JAKMIP2: variants seen among roughly 807,000 people sequenced by gnomAD.
JAKMIP2 encodes janus kinase and microtubule-interacting protein 2.
Under a neutral mutation model 115.0 loss-of-function variants are expected in JAKMIP2, and 25 were observed. The ratio of observed to expected loss-of-function variants is 0.22; its 90% CI spans 0.16 to 0.30. The LOEUF (loss-of-function observed/expected upper bound fraction) is 0.30. JAKMIP2 is among the 10% of genes least tolerant of loss of function. JAKMIP2 has a pLI of 1.00. For missense variants in JAKMIP2, 642 were observed against 957.6 expected, an observed-to-expected ratio of 0.67 and a Z score of 4.35; for synonymous variants, 334 against 343.6, an observed-to-expected ratio of 0.97 and a Z score of 0.31.
rs1010232140 is a variant in JAKMIP2 at position 147,588,120 on chromosome 5, T to A, written c.*3587A>T. ...AAAAGTTTGACATTCAATTTAGTAA[T>A]AGATGCTTTTTAAGTATGATAGTCA... On this transcript the variant is annotated 3_prime_UTR_variant, in exon 22 of 22. Transcript: ENST00000616793. The A allele has an allele frequency of 1.3e-5, 2 of 152,156 alleles. No homozygotes were observed. The highest frequency in any genetic ancestry group is 4.8e-5 in the African/African-American group (2 of 41,442). The allele number at this position is 152,156 out of a possible 1,614,324, so 9.4% of individuals were successfully genotyped here.
At chr5:147,764,945 AGGGAGAGAGAGAGAGAGAGAGGGG>A (rs1561582554) in intron 1 of JAKMIP2, among the ~76,000 whole-genome samples, 8 of 89,116 alleles carry the variant, frequency 9.0e-5, no homozygotes, top group African/African-American at 4.2e-4. Flanking sequence ...AGAGAGAGAG[AGGGAGAGAGAGAGAGAGAGAGGGG>A]GAGAGAGAGA....
At chr5:147,719,815 G>C in intron 1 of JAKMIP2, among the ~76,000 whole-genome samples, 1 of 151,884 alleles carries the variant, frequency 6.6e-6, no homozygotes, top group African/African-American at 2.4e-5. Context: ...TTGCCAGTCT[G>C]TGTCTTTTAA....
In JAKMIP2 at chr5:147,644,909, C is replaced by T. The variant is rs1758054489; in HGVS notation, c.1024G>A (p.Val342Met). 2 of 1,613,340 alleles carry T rather than the reference C, an allele frequency of 1.2e-6. No individual in the cohort carries two copies. Among genetic ancestry groups the T allele is most frequent in the African/African-American group, 2.7e-5 (2 of 74,860 alleles). Reference sequence around the variant, plus strand: ...TTTTCTTCCATGCGCTGCAAGGACACCATCAGTTCATCGTTTCTCTTGGCG... The same window carrying T: ...TTTTCTTCCATGCGCTGCAAGGACATCATCAGTTCATCGTTTCTCTTGGCG... The part of the protein sequence containing the change: ...CLAKRNDELM[V>M]SLQRMEEKLK... The change falls in exon 6 of 22, where the codon GTG becomes ATG. Residue 342 changes from valine (V) to methionine (M), a missense_variant. Val to Met is a conservative substitution (Grantham distance 21). Around this residue, in one of 6 missense-constraint regions of JAKMIP2, gnomAD observed 439 missense variants for 570.9 expected, o/e 0.77. Transcript: ENST00000616793.
chr5:147,740,027 T>A (rs1277806090), intron 1 of JAKMIP2, among the ~76,000 whole-genome samples: 2 of 152,236 alleles, frequency 1.3e-5, no homozygotes, highest in Non-Finnish European at 2.9e-5. Context: ...GTACAACTGA[T>A]TATTGGTATA....
At chr5:147,628,955 T>A in intron 15 of JAKMIP2, 139 bp from the exon 16 acceptor site, 1 of 585,200 alleles carries the variant, frequency 1.7e-6, no homozygotes, top group Non-Finnish European at 3.0e-6. Flanking sequence ...TGTTTAGTAA[T>A]AATTCTGAAC....
chr5:147,620,595 A>G (rs1756805259), intron 18 of JAKMIP2, 71 bp downstream of exon 18: 1 of 1,080,152 alleles, frequency 9.3e-7, no homozygotes, highest in South Asian at 1.3e-5. Flanking sequence ...ATGGAAAATT[A>G]AAAAGGATAC....
chr5:147,779,230 C>A (rs916579559), intron 1 of JAKMIP2, among the ~76,000 whole-genome samples: 1 of 152,030 alleles, frequency 6.6e-6, no homozygotes, highest in Non-Finnish European at 1.5e-5. Context: ...CATCCTATTA[C>A]AAAGTGAGAA....
chr5:147,757,794 A>G (rs917262918), intron 1 of JAKMIP2, among the ~76,000 whole-genome samples: 2 of 152,176 alleles, frequency 1.3e-5, no homozygotes, highest in Admixed American at 1.3e-4. Context: ...GTTGCACCTG[A>G]GGCTCCGCAT....
At chr5:147,703,453 C>T (rs1471599675) in intron 1 of JAKMIP2, among the ~76,000 whole-genome samples, 2 of 151,922 alleles carry the variant, frequency 1.3e-5, no homozygotes, top group South Asian at 2.1e-4. Flanking sequence ...TCTGGGTGAG[C>T]GAATAAGTGA....
intron 1 of JAKMIP2, among the ~76,000 whole-genome samples, chr5:147,696,517 T>C (rs1752114574): frequency 6.6e-6 from 1 of 152,184 alleles, no homozygotes; most frequent in African/African-American, 2.4e-5. Flanking sequence ...TCTCTTTCCT[T>C]TATAAATTAC....
At chr5:147,634,541 T>G (rs1053134315) in intron 12 of JAKMIP2, among the ~76,000 whole-genome samples, 3 of 152,096 alleles carry the variant, frequency 2.0e-5, no homozygotes, top group African/African-American at 7.2e-5. Context: ...GAATCAATGG[T>G]GGAATATTTC....
intron 18 of JAKMIP2, among the ~76,000 whole-genome samples, chr5:147,619,457 T>G (rs1330890170): frequency 1.3e-5 from 2 of 152,058 alleles, no homozygotes; most frequent in Non-Finnish European, 2.9e-5. Context: ...TTCATCTTTG[T>G]TACAAGCAGG....
chr5:147,774,697 A>G (rs1355819915), intron 1 of JAKMIP2, among the ~76,000 whole-genome samples: 3 of 152,164 alleles, frequency 2.0e-5, no homozygotes, highest in Admixed American at 6.6e-5. Context: ...GTAAGAGCTC[A>G]GTTTATTTTT....
chr5:147,750,573 C>T (rs1050540191), intron 1 of JAKMIP2, among the ~76,000 whole-genome samples: 3 of 151,878 alleles, frequency 2.0e-5, no homozygotes, highest in African/African-American at 7.2e-5. Context: ...CACACACACA[C>T]ACACACACAC....
At chr5:147,702,604 G>A (rs1272428894) in intron 1 of JAKMIP2, among the ~76,000 whole-genome samples, 1 of 11,046 alleles carries the variant, frequency 9.1e-5, no homozygotes, top group African/African-American at 2.5e-4. Flanking sequence ...AAGAAAGAAG[G>A]AAAGAAAGAA....
intron 1 of JAKMIP2, among the ~76,000 whole-genome samples, chr5:147,766,706 A>T (rs1293565474): frequency 6.6e-6 from 1 of 151,914 alleles, no homozygotes; most frequent in Non-Finnish European, 1.5e-5. Flanking sequence ...ATAATCTTTT[A>T]TTTTTTTTCA....
Position 147,660,995 on chromosome 5 carries a change from C to T in JAKMIP2, c.580G>A (p.Ala194Thr). The T allele has an allele frequency of 3.7e-6, 6 of 1,614,034 alleles. No homozygotes were observed. The highest frequency in any genetic ancestry group is 1.6e-4 in the Middle Eastern group (1 of 6,062). ...LRSEHQSHQE[A>T]ISKIKWESER... Reference sequence around the variant, plus strand: ...GACTCCCACTTGATCTTCGAGATGGCTTCTTGGTGGGACTGATGCTCACTC... The same window carrying T: ...GACTCCCACTTGATCTTCGAGATGGTTTCTTGGTGGGACTGATGCTCACTC... Residue 194 changes from alanine to threonine, a missense_variant, in exon 3 of 22, where the codon GCC becomes ACC. By Grantham distance (58) the Ala-to-Thr change is moderately conservative. Coordinates refer to ENST00000616793, the MANE Select transcript of JAKMIP2 (RefSeq NM_001270941.2).
chr5:147,604,850 A>C (rs1755911853), intron 20 of JAKMIP2, among the ~76,000 whole-genome samples: 1 of 149,528 alleles, frequency 6.7e-6, no homozygotes, highest in African/African-American at 2.5e-5. Context: ...TTATACTTTA[A>C]GTTCTGGGAT....
chr5:147,661,453 C>CAGAG lies in JAKMIP2; in HGVS notation c.130-12_130-9dup. On this transcript the variant is annotated splice_polypyrimidine_tract_variant and intron_variant, in intron 2 of 21. Transcript: ENST00000616793. ...TCTTTCAAGCTTTGATACCTAAAAA[C>CAGAG]AGAGAGGCGAAATGATGAAGAGAAA... The CAGAG allele has an allele frequency of 6.2e-7, 1 of 1,603,568 alleles. No homozygotes were observed. Among genetic ancestry groups the CAGAG allele is most frequent in the South Asian group, 1.1e-5 (1 of 89,514 alleles).
Sources: allele counts gnomAD v4.1 joint callset (sites outside exome capture counted in the v4.1 genomes callset), GRCh38; gene constraint gnomAD v4.1.1; regional missense constraint gnomAD v4.1.1; transcripts MANE v1.5; gene names NCBI Gene and HGNC (gene_info 2026-07-23, HGNC 2026-07-21).